The following FNBP1L variants were observed in gnomAD, a reference collection of about 807,000 sequenced individuals.
FNBP1L encodes the protein formin-binding protein 1-like.
In FNBP1L, 36 loss-of-function variants were observed where a neutral mutation model predicts 91.2. The observed-to-expected ratio is 0.39, with a 90% CI of 0.30 to 0.52. The LOEUF is 0.52. Among genes scored for constraint, FNBP1L ranks in the 20% least tolerant of loss-of-function variants. The pLI is 0.66. For synonymous variants in FNBP1L, 242 were observed against 237.0 expected (o/e 1.02, Z -0.19); for missense variants, 571 against 732.1 (o/e 0.78, Z 2.54).
At chr1:93,478,358 G>A (rs1438045259) in intron 1 of FNBP1L, among the ~76,000 whole-genome samples, 1 of 152,176 alleles carries the variant, frequency 6.6e-6, no homozygotes, top group Admixed American at 6.5e-5. Flanking sequence ...ACTCAGTGTA[G>A]GGTATCAGAG....
At chr1:93,515,424 C>G (rs1189988471) in intron 2 of FNBP1L, among the ~76,000 whole-genome samples, 1 of 151,726 alleles carries the variant, frequency 6.6e-6, no homozygotes, top group Non-Finnish European at 1.5e-5. Context: ...GGTATATACC[C>G]AAAGGACTAT....
chr1:93,513,250 C>G (rs1038611159), intron 2 of FNBP1L, among the ~76,000 whole-genome samples: 1 of 151,528 alleles, frequency 6.6e-6, no homozygotes, highest in African/African-American at 2.4e-5. Context: ...AGACCAATAA[C>G]AGGATCTGAA....
rs1670373709 is a variant in FNBP1L, at chr1:93,499,474, T to C, written c.31T>C (p.Phe11Leu). 2 of 1,584,002 alleles carry C rather than the reference T, an allele frequency of 1.3e-6. No homozygotes were observed. The highest frequency in any genetic ancestry group is 1.7e-6 in the Non-Finnish European group (2 of 1,166,598). MSWGTELWDQ[F>L]DSLDKHTQWG... is the part of the protein sequence containing the mutation. ...TTTTATCTTCCTTTTCCAGGATCAGTTCGACAGCTTAGACAAGCATACACA... is the reference window on the plus strand; with the variant it reads ...TTTTATCTTCCTTTTCCAGGATCAGCTCGACAGCTTAGACAAGCATACACA... The change falls in exon 2 of 17, where the codon TTC (phenylalanine) becomes CTC (leucine). Residue 11 changes from phenylalanine (F) to leucine (L), a missense_variant. This residue lies in a region of FNBP1L where 220 missense variants were observed against 313.6 expected (regional missense o/e 0.70). Coordinates refer to ENST00000271234, the MANE Select transcript of FNBP1L (RefSeq NM_001164473.3).
chr1:93,508,711 T>C (rs1434144365), intron 2 of FNBP1L, among the ~76,000 whole-genome samples: 1 of 152,236 alleles, frequency 6.6e-6, no homozygotes, highest in Admixed American at 6.5e-5. Flanking sequence ...GTTATTTATG[T>C]GATGTTTAAG....
At chr1:93,551,304 C>G in intron 16 of FNBP1L, 199 bp downstream of exon 16, 1 of 1,255,036 alleles carries the variant, frequency 8.0e-7, no homozygotes, top group African/African-American at 1.5e-5. Context: ...TTTTGTGGCA[C>G]TTTACTGTTT....
intron 5 of FNBP1L, among the ~76,000 whole-genome samples, chr1:93,529,381 TGCG>T (rs1671598242): frequency 6.6e-6 from 1 of 152,160 alleles, no homozygotes; most frequent in African/African-American, 2.4e-5. Context: ...TTTTACTTAG[TGCG>T]CAGTTCATTT....
chr1:93,550,534 T>G (rs770200954), intron 15 of FNBP1L, among the ~76,000 whole-genome samples: 1 of 152,200 alleles, frequency 6.6e-6, no homozygotes, highest in Non-Finnish European at 1.5e-5. Context: ...CAGACTCTCT[T>G]TTTTCCTTCT....
intron 2 of FNBP1L, among the ~76,000 whole-genome samples, chr1:93,514,323 G>C (rs1355644967): frequency 2.0e-5 from 3 of 151,684 alleles, no homozygotes; most frequent in East Asian, 1.9e-4. Flanking sequence ...AATCAATATC[G>C]TGAAAATGGC....
chr1:93,491,428 C>T (rs887676231), intron 1 of FNBP1L, among the ~76,000 whole-genome samples: 19 of 151,822 alleles, frequency 1.3e-4, no homozygotes, highest in Non-Finnish European at 8.8e-5. Context: ...CTTGCTCTGT[C>T]ACCCAGGCTG....
intron 15 of FNBP1L, among the ~76,000 whole-genome samples, chr1:93,549,656 GATT>G (rs1039937423): frequency 3.9e-5 from 6 of 152,154 alleles, no homozygotes; most frequent in African/African-American, 1.2e-4. Flanking sequence ...TCCTAATACA[GATT>G]ATTAATTAAT....
At chr1:93,491,876 C>T (rs1173138283) in intron 1 of FNBP1L, among the ~76,000 whole-genome samples, 6 of 152,162 alleles carry the variant, frequency 3.9e-5, no homozygotes, top group Admixed American at 3.9e-4. Flanking sequence ...ATCCATATAT[C>T]CAGTTTTTGT....
chr1:93,474,528 C>T (rs1030750431), intron 1 of FNBP1L, among the ~76,000 whole-genome samples: 2 of 152,138 alleles, frequency 1.3e-5, no homozygotes, highest in Non-Finnish European at 2.9e-5. Context: ...TTAGAATAGA[C>T]GTGCCTAGCC....
At chr1:93,462,734 T>C (rs1668915597) in intron 1 of FNBP1L, among the ~76,000 whole-genome samples, 1 of 152,196 alleles carries the variant, frequency 6.6e-6, no homozygotes. Context: ...CAAGGGTGTC[T>C]GTTATCCACA....
chr1:93,550,251 CG>C (rs1266038005), intron 15 of FNBP1L, among the ~76,000 whole-genome samples: 7 of 152,062 alleles, frequency 4.6e-5, no homozygotes, highest in Non-Finnish European at 8.8e-5. Context: ...TGGGAGGCTG[CG>C]GTGAGAGGAT....
At chr1:93,505,414 C>T (rs1158731243) in intron 2 of FNBP1L, among the ~76,000 whole-genome samples, 1 of 152,132 alleles carries the variant, frequency 6.6e-6, no homozygotes, top group East Asian at 1.9e-4. Flanking sequence ...AACGGGACCT[C>T]ACCCCGATTG....
chr1:93,493,391 A>G (rs948911835), intron 1 of FNBP1L, among the ~76,000 whole-genome samples: 3 of 152,182 alleles, frequency 2.0e-5, no homozygotes, highest in African/African-American at 7.2e-5. Flanking sequence ...TGTAAAATAT[A>G]CCATCTTAAC....
intron 2 of FNBP1L, among the ~76,000 whole-genome samples, chr1:93,511,863 G>C (rs1318528939): frequency 1.3e-4 from 20 of 150,280 alleles, no homozygotes; most frequent in Non-Finnish European, 2.5e-4. Context: ...CTACTTGGGA[G>C]GCTGAGGCAG....
intron 10 of FNBP1L, 65 bp from the exon 11 acceptor site, chr1:93,540,977 C>T (rs1672025848): frequency 7.1e-7 from 1 of 1,406,206 alleles, no homozygotes; most frequent in African/African-American, 1.4e-5. Flanking sequence ...GCTATTGCAT[C>T]TTCTGTATTA....
rs1672499750 is a variant in FNBP1L, at chr1:93,554,084, A to G, written c.*1668A>G. Reference sequence around the variant, plus strand: ...GTCACCACTGTTACACAGCTGACATATAGTGTATTACCTTTGCAGCTAGTA... The same window carrying G: ...GTCACCACTGTTACACAGCTGACATGTAGTGTATTACCTTTGCAGCTAGTA... On this transcript the variant is annotated 3_prime_UTR_variant, in exon 17 of 17. Coordinates refer to ENST00000271234, the MANE Select transcript of FNBP1L (RefSeq NM_001164473.3). The G allele has an allele frequency of 6.5e-6, 1 of 152,672 alleles. No homozygotes were observed. The highest frequency in any genetic ancestry group is 1.5e-5 in the Non-Finnish European group (1 of 68,048). The allele number at this position is 152,672 out of a possible 1,614,324, so 9.5% of individuals were successfully genotyped here.
Sources: allele counts gnomAD v4.1 joint callset (sites outside exome capture counted in the v4.1 genomes callset), GRCh38; gene constraint gnomAD v4.1.1; regional missense constraint gnomAD v4.1.1; transcripts MANE v1.5; gene names NCBI Gene and HGNC (gene_info 2026-07-23, HGNC 2026-07-21).